The following CSMD1 variants were observed in gnomAD, a reference collection of about 807,000 sequenced individuals.
CSMD1 encodes the protein CUB and sushi domain-containing protein 1.
CSMD1 carries 213 observed loss-of-function variants against 417.5 expected under a neutral mutation model. The observed-to-expected ratio is 0.51, with a 90% CI of 0.46 to 0.57. The LOEUF (loss-of-function observed/expected upper bound fraction) is 0.57, where lower values mean the gene tolerates loss of function less well. CSMD1 is among the 20% of genes least tolerant of loss of function. CSMD1 has a pLI of 0.00. For synonymous variants in CSMD1, 2,862 were observed against 1,736.8 expected (o/e 1.65, Z -16.11); for missense variants, 6,923 against 4,529.7 (o/e 1.53, Z -15.17).
chr8:4,669,941 G>C (rs1210852377), intron 1 of CSMD1, among the ~76,000 whole-genome samples: 1 of 152,114 alleles, frequency 6.6e-6, no homozygotes, highest in Non-Finnish European at 1.5e-5. Context: ...TGAAAGTCAT[G>C]AGTTTCATGT....
intron 1 of CSMD1, among the ~76,000 whole-genome samples, chr8:4,792,868 C>T (rs908533391): frequency 6.6e-6 from 1 of 152,022 alleles, no homozygotes; most frequent in Admixed American, 6.6e-5. Flanking sequence ...AACCTTTCCA[C>T]CTACTGGTTT....
intron 5 of CSMD1, among the ~76,000 whole-genome samples, chr8:3,992,360 G>A (rs1468518363): frequency 6.6e-6 from 1 of 152,142 alleles, no homozygotes; most frequent in African/African-American, 2.4e-5. Context: ...TTTTGTTCCC[G>A]TTAAACCAGC....
chr8:3,710,602 C>CTTGG (rs1244135969), intron 6 of CSMD1, among the ~76,000 whole-genome samples: 1 of 152,156 alleles, frequency 6.6e-6, no homozygotes, highest in East Asian at 1.9e-4. Context: ...TCTTCCTGTG[C>CTTGG]TTGGCCCCTG....
chr8:3,225,496 AG>A (rs1290834231), intron 27 of CSMD1, among the ~76,000 whole-genome samples: 1 of 152,002 alleles, frequency 6.6e-6, no homozygotes, highest in Non-Finnish European at 1.5e-5. Flanking sequence ...GACAGCATCG[AG>A]CAGTACAAGC....
At chr8:4,262,645 G>A (rs959970146) in intron 3 of CSMD1, among the ~76,000 whole-genome samples, 2 of 151,962 alleles carry the variant, frequency 1.3e-5, no homozygotes, top group Non-Finnish European at 1.5e-5. Context: ...AGTTAGCCTG[G>A]GGCTGAAAGA....
intron 12 of CSMD1, among the ~76,000 whole-genome samples, chr8:3,450,114 G>A (rs1815599433): frequency 6.6e-6 from 1 of 152,134 alleles, no homozygotes; most frequent in Admixed American, 6.5e-5. Context: ...TTTCATGTAT[G>A]TGTCCTGCAC....
At chr8:4,028,454 A>G (rs2130553072) in intron 4 of CSMD1, among the ~76,000 whole-genome samples, 1 of 152,296 alleles carries the variant, frequency 6.6e-6, no homozygotes, top group Non-Finnish European at 1.5e-5. Context: ...TGCCATTATG[A>G]ATACAATAAA....
intron 8 of CSMD1, among the ~76,000 whole-genome samples, chr8:3,597,309 T>G (rs1345430788): frequency 6.6e-6 from 1 of 152,148 alleles, no homozygotes; most frequent in African/African-American, 2.4e-5. Context: ...TGAGCACAGC[T>G]TCCCAGCACG....
chr8:2,949,423 G>C (rs200675652), intron 67 of CSMD1, 37 bp from the exon 68 acceptor site: 1 of 341,988 alleles, frequency 2.9e-6, no homozygotes, highest in South Asian at 4.0e-5. Flanking sequence ...AAATAAAAAG[G>C]TATACGAAGG....
chr8:3,970,774 T>C (rs1813026872), intron 5 of CSMD1, among the ~76,000 whole-genome samples: 1 of 152,244 alleles, frequency 6.6e-6, no homozygotes, highest in South Asian at 2.1e-4. Context: ...TTGTTTTTGA[T>C]GGAGTTTCAC....
intron 26 of CSMD1, among the ~76,000 whole-genome samples, chr8:3,245,274 C>T (rs951095196): frequency 6.6e-6 from 1 of 152,112 alleles, no homozygotes; most frequent in Admixed American, 6.5e-5. Flanking sequence ...ATCCTGCCAC[C>T]CTGAGAAGCA....
intron 2 of CSMD1, among the ~76,000 whole-genome samples, chr8:4,533,829 T>C (rs1004071418): frequency 7.9e-5 from 12 of 151,202 alleles, no homozygotes; most frequent in Non-Finnish European, 1.3e-4. Context: ...TAAAGTTTTA[T>C]GCCTATAAAG....
intron 55 of CSMD1, among the ~76,000 whole-genome samples, chr8:2,977,320 C>T (rs1438220018): frequency 2.0e-5 from 3 of 152,148 alleles, no homozygotes; most frequent in Admixed American, 6.5e-5. Flanking sequence ...TCTATGTGTT[C>T]AGCTCCTACT....
intron 2 of CSMD1, among the ~76,000 whole-genome samples, chr8:4,624,517 G>C (rs1315758631): frequency 6.6e-6 from 1 of 152,066 alleles, no homozygotes; most frequent in Non-Finnish European, 1.5e-5. Context: ...CAGGTGCATT[G>C]CCTTTGGCCT....
intron 2 of CSMD1, among the ~76,000 whole-genome samples, chr8:4,622,066 A>T (rs528590773): frequency 5.3e-5 from 8 of 152,152 alleles, no homozygotes; most frequent in African/African-American, 1.7e-4. Context: ...TACAAGCAAC[A>T]TATTAGTGCA....
intron 25 of CSMD1, among the ~76,000 whole-genome samples, chr8:3,293,152 C>T (rs199632781): frequency 3.4e-5 from 5 of 145,276 alleles, no homozygotes; most frequent in African/African-American, 4.9e-5. Context: ...TTGAATATTG[C>T]CCCCACTCTC....
intron 3 of CSMD1, among the ~76,000 whole-genome samples, chr8:4,346,901 T>C (rs1800806241): frequency 6.6e-6 from 1 of 152,198 alleles, no homozygotes; most frequent in African/African-American, 2.4e-5. Flanking sequence ...AAAACCTGGC[T>C]GGACCTCAAT....
At chr8:4,086,779 G>C (rs150763441) in intron 3 of CSMD1, among the ~76,000 whole-genome samples, 68 of 152,290 alleles carry the variant, frequency 4.5e-4, no homozygotes, top group East Asian at 2.5e-3. Context: ...TTTCAACTGA[G>C]TGAATGAACT....
At chr8:4,943,896 G>A (rs1006693614) in intron 1 of CSMD1, among the ~76,000 whole-genome samples, 1 of 152,202 alleles carries the variant, frequency 6.6e-6, no homozygotes, top group Non-Finnish European at 1.5e-5. Flanking sequence ...TTAAAGGTAC[G>A]CAGAATTGCG....
Sources: allele counts gnomAD v4.1 joint callset (sites outside exome capture counted in the v4.1 genomes callset), GRCh38; gene constraint gnomAD v4.1.1; transcripts MANE v1.5; gene names NCBI Gene and HGNC (gene_info 2026-07-23, HGNC 2026-07-21).